The following SELP variants were observed in gnomAD, a reference collection of about 807,000 sequenced individuals.
The protein encoded by SELP is selectin P, also known as P-selectin.
A neutral mutation model predicts 104.1 loss-of-function variants in SELP; 92 were observed. That is an observed-to-expected ratio of 0.88 (90% CI 0.75 to 1.05). SELP has a LOEUF of 1.05. Among genes scored for constraint, SELP ranks in the 50% least tolerant of loss-of-function variants. The pLI is 0.00. For synonymous variants in SELP, 397 were observed against 364.5 expected (o/e 1.09, Z -1.01); for missense variants, 1,022 against 1,017.3 (o/e 1.00, Z -0.06).
At chr1:169,609,828 G>C in intron 7 of SELP, 139 bp from the exon 8 acceptor site, 1 of 758,236 alleles carries the variant, frequency 1.3e-6, no homozygotes, top group Non-Finnish European at 2.0e-6. Context: ...TTCCAAAAGA[G>C]AGACTGCCTG....
At chr1:169,601,937 A>G (rs1431433199) in intron 10 of SELP, among the ~76,000 whole-genome samples, 2 of 152,192 alleles carry the variant, frequency 1.3e-5, no homozygotes, top group Non-Finnish European at 2.9e-5. Flanking sequence ...ACTGAACAAT[A>G]CATTAGAACA....
At chr1:169,593,060 A>G (rs187083942) in intron 14 of SELP, among the ~76,000 whole-genome samples, 6 of 152,186 alleles carry the variant, frequency 3.9e-5, no homozygotes, top group Non-Finnish European at 7.4e-5. Flanking sequence ...TTCTAATAAT[A>G]CCTAGGTTGT....
intron 9 of SELP, 45 bp from the exon 10 acceptor site, chr1:169,603,256 A>G (rs1368541636): frequency 6.5e-7 from 1 of 1,548,764 alleles, no homozygotes; most frequent in African/African-American, 1.4e-5. Context: ...TCATTTTATA[A>G]TTCAGCAACC....
chr1:169,597,627 G>A (rs1051984093), intron 10 of SELP, among the ~76,000 whole-genome samples: 2 of 152,116 alleles, frequency 1.3e-5, no homozygotes, highest in Non-Finnish European at 2.9e-5. Flanking sequence ...AAACTGCAAT[G>A]ATTGCTTTCT....
intron 7 of SELP, among the ~76,000 whole-genome samples, chr1:169,610,158 A>G (rs747114719): frequency 2.0e-5 from 3 of 151,150 alleles, no homozygotes; most frequent in Non-Finnish European, 4.4e-5. Context: ...GAGTATATAC[A>G]GGAAAATGCT....
intron 1 of SELP, among the ~76,000 whole-genome samples, chr1:169,625,460 T>C (rs984266902): frequency 2.6e-5 from 4 of 152,204 alleles, no homozygotes; most frequent in African/African-American, 9.6e-5. Flanking sequence ...TCCAATGTCC[T>C]CTAATCAGCA....
intron 10 of SELP, among the ~76,000 whole-genome samples, chr1:169,597,727 C>T (rs527476305): frequency 1.5e-4 from 23 of 152,294 alleles, no homozygotes; most frequent in African/African-American, 5.5e-4. Flanking sequence ...CCAGATAACA[C>T]AGGAAAACTC....
At chr1:169,604,786 G>C (rs1405791894) in intron 9 of SELP, among the ~76,000 whole-genome samples, 1 of 152,122 alleles carries the variant, frequency 6.6e-6, no homozygotes, top group African/African-American at 2.4e-5. Context: ...GAGGATGTTG[G>C]TACCACAGAA....
intron 10 of SELP, 43 bp from the exon 11 acceptor site, chr1:169,597,219 C>G: frequency 6.7e-7 from 1 of 1,495,620 alleles, no homozygotes; most frequent in East Asian, 2.3e-5. Context: ...CAAGTTTATT[C>G]AGAAGTTCTG....
At chr1:169,626,617 G>A (rs1046631370) in intron 1 of SELP, among the ~76,000 whole-genome samples, 4 of 152,196 alleles carry the variant, frequency 2.6e-5, no homozygotes, top group African/African-American at 9.7e-5. Flanking sequence ...TATCTTGTGG[G>A]TCACAAATAC....
At chr1:169,612,116 C>A (rs1377403086) in intron 6 of SELP, 101 bp downstream of exon 6, 22 of 1,222,016 alleles carry the variant, frequency 1.8e-5, no homozygotes, top group Non-Finnish European at 2.4e-5. Context: ...TAAATTTTGG[C>A]AATTCAGGCC....
chr1:169,601,297 C>A (rs533649165), intron 10 of SELP, among the ~76,000 whole-genome samples: 1 of 152,026 alleles, frequency 6.6e-6, no homozygotes, highest in Non-Finnish European at 1.5e-5. Context: ...TGTCTTTCAC[C>A]CTACAGAATT....
chr1:169,596,156 A>G, intron 11 of SELP, 22 bp from the exon 12 acceptor site: 1 of 1,604,180 alleles, frequency 6.2e-7, no homozygotes, highest in Non-Finnish European at 8.5e-7. Context: ...AAATGTTTCC[A>G]TTCAGAGACC....
intron 1 of SELP, 146 bp downstream of exon 1, chr1:169,629,925 AG>A (rs1663552966): frequency 9.8e-7 from 1 of 1,020,228 alleles, no homozygotes; most frequent in South Asian, 1.3e-5. Context: ...CAAGTTTAAA[AG>A]TACTCACAAA....
chr1:169,594,569 T>TA, intron 13 of SELP, 123 bp downstream of exon 13: 4 of 885,880 alleles, frequency 4.5e-6, no homozygotes, highest in Middle Eastern at 4.6e-4. Flanking sequence ...GTGAAACACT[T>TA]ATTAAGCAGG....
rs3917700 is a variant in SELP, at chr1:169,618,696, T to C, written c.94+433A>G. On this transcript the variant is annotated intron_variant, in intron 2 of 16. Coordinates refer to ENST00000263686, the MANE Select transcript of SELP (RefSeq NM_003005.4). ...CATTCTGATATAGCCAGGGCTGCAT[T>C]ATGACTTTCATAGACTTCAGGCAAC... 2.7e-3 allele frequency among the ~76,000 whole-genome samples: 411 copies of C among 152,318 alleles called. 3 individuals are homozygous for C. Among genetic ancestry groups the C allele is most frequent in the African/African-American group, 9.6e-3 (400 of 41,566 alleles).
Position 169,597,120 on chromosome 1 carries a change from T to C in SELP, c.1762A>G (p.Thr588Ala). 6.2e-7 allele frequency: 1 copy of C among 1,612,456 alleles called. No individual in the cohort carries two copies. The highest frequency in any genetic ancestry group is 8.5e-7 in the Non-Finnish European group (1 of 1,179,176). ...PEQGSLDCSD[T>A]RGEFNVGSTC... ...GAGCCAACATTGAATTCTCCACGAG[T>C]GTCAGAACAATCCAGGCTGCCCTGC... Residue 588 changes from threonine (T) to alanine (A), a missense_variant, in exon 11 of 17, where the codon ACT becomes GCT. Thr to Ala is a moderately conservative substitution (Grantham distance 58). Coordinates refer to ENST00000263686, the MANE Select transcript of SELP (RefSeq NM_003005.4).
chr1:169,621,914 C>CACCA (rs1663155552), intron 1 of SELP, among the ~76,000 whole-genome samples: 2 of 152,204 alleles, frequency 1.3e-5, no homozygotes, highest in South Asian at 4.1e-4. Flanking sequence ...TTTCAAAATG[C>CACCA]ACCATTCCAA....
chr1:169,604,335 T>C (rs938724409), intron 9 of SELP, among the ~76,000 whole-genome samples: 1 of 152,182 alleles, frequency 6.6e-6, no homozygotes, highest in Admixed American at 6.5e-5. Flanking sequence ...GAGTTCATTG[T>C]AGATTCTGGA....
Sources: allele counts gnomAD v4.1 joint callset (sites outside exome capture counted in the v4.1 genomes callset), GRCh38; gene constraint gnomAD v4.1.1; transcripts MANE v1.5; gene names NCBI Gene and HGNC (gene_info 2026-07-23, HGNC 2026-07-21).